The following TBC1D8 variants were observed in gnomAD, a reference collection of about 807,000 sequenced individuals.
The protein encoded by TBC1D8 is TBC1 domain family member 8.
In TBC1D8, 65 loss-of-function variants were observed where a neutral mutation model predicts 118.8. The observed-to-expected ratio is 0.55, with a 90% CI of 0.45 to 0.67. TBC1D8 has a LOEUF of 0.67. Among genes scored for constraint, TBC1D8 ranks in the 30% least tolerant of loss-of-function variants. TBC1D8 has a pLI of 0.00. For synonymous variants in TBC1D8, 566 were observed against 595.8 expected (o/e 0.95, Z 0.73); for missense variants, 1,376 against 1,471.2 (o/e 0.94, Z 1.06).
chr2:101,023,857 G>A, intron 15 of TBC1D8: 1 of 188,192 alleles, frequency 5.3e-6, no homozygotes, highest in Non-Finnish European at 1.2e-5. Flanking sequence ...CAAAAACAAG[G>A]GCAGATGCTG....
intron 17 of TBC1D8, among the ~76,000 whole-genome samples, chr2:101,018,552 C>G (rs1055254588): frequency 3.9e-5 from 6 of 152,164 alleles, no homozygotes; most frequent in Admixed American, 2.6e-4. Context: ...GGAGCAGCTT[C>G]AATTTTATTA....
intron 4 of TBC1D8, among the ~76,000 whole-genome samples, chr2:101,051,792 T>C (rs1682090274): frequency 6.6e-6 from 1 of 152,170 alleles, no homozygotes; most frequent in Non-Finnish European, 1.5e-5. Flanking sequence ...TGGCTATTAC[T>C]AAAAAGTCAA....
intron 5 of TBC1D8, among the ~76,000 whole-genome samples, chr2:101,043,494 T>G (rs1363647257): frequency 6.6e-6 from 1 of 152,186 alleles, no homozygotes; most frequent in Non-Finnish European, 1.5e-5. Flanking sequence ...CAGCCTTCCT[T>G]CCTAGCTGGG....
intron 1 of TBC1D8, among the ~76,000 whole-genome samples, chr2:101,125,838 C>A (rs925788837): frequency 1.3e-5 from 2 of 152,158 alleles, no homozygotes; most frequent in African/African-American, 4.8e-5. Flanking sequence ...AGAAACATTC[C>A]CGAACTTCAT....
intron 1 of TBC1D8, among the ~76,000 whole-genome samples, chr2:101,139,954 A>G (rs967608802): frequency 4.6e-5 from 7 of 152,198 alleles, no homozygotes. Flanking sequence ...AAGCTGCATG[A>G]CAGCACAGGG....
At chr2:101,011,587 C>G in intron 17 of TBC1D8, 47 bp from the exon 18 acceptor site, 1 of 1,592,038 alleles carries the variant, frequency 6.3e-7, no homozygotes, top group Non-Finnish European at 8.6e-7. Flanking sequence ...TTCTGCCTTA[C>G]CAAAACTGAC....
intron 19 of TBC1D8, 102 bp downstream of exon 19, chr2:101,010,827 G>A (rs1038839166): frequency 4.4e-6 from 4 of 914,422 alleles, no homozygotes; most frequent in South Asian, 3.1e-5. Context: ...GGTTGCAGTG[G>A]GCTGAGATCG....
At chr2:101,092,436 CCT>C (rs1273233601) in intron 1 of TBC1D8, among the ~76,000 whole-genome samples, 1 of 152,154 alleles carries the variant, frequency 6.6e-6, no homozygotes, top group Non-Finnish European at 1.5e-5. Context: ...TAAAATTATT[CCT>C]TTTTCTTTGA....
At chr2:101,106,700 T>A (rs2105474994) in intron 1 of TBC1D8, among the ~76,000 whole-genome samples, 1 of 152,334 alleles carries the variant, frequency 6.6e-6, no homozygotes, top group African/African-American at 2.4e-5. Flanking sequence ...CCTTTGAATT[T>A]TGAACTTTCA....
At chr2:101,080,165 A>G (rs141555155) in intron 2 of TBC1D8, among the ~76,000 whole-genome samples, 20 of 152,270 alleles carry the variant, frequency 1.3e-4, no homozygotes, top group African/African-American at 4.8e-4. Context: ...ACTTTATTTA[A>G]AACAGTAAGA....
intron 1 of TBC1D8, among the ~76,000 whole-genome samples, chr2:101,091,736 G>A (rs1676050605): frequency 6.6e-6 from 1 of 152,148 alleles, no homozygotes; most frequent in Admixed American, 6.6e-5. Context: ...AAAAAAAAAG[G>A]CATCCTGATC....
intron 2 of TBC1D8, among the ~76,000 whole-genome samples, chr2:101,079,797 T>C (rs1675140368): frequency 2.1e-5 from 3 of 141,696 alleles, no homozygotes; most frequent in African/African-American, 2.6e-5. Flanking sequence ...GCCATTCTCC[T>C]GCCTCAGCCT....
chr2:101,060,678 G>A (rs114904685), intron 2 of TBC1D8, among the ~76,000 whole-genome samples: 125 of 152,258 alleles, frequency 8.2e-4, no homozygotes, highest in African/African-American at 2.9e-3. Context: ...GAAGGGCCTG[G>A]CACACAGCAG....
At chr2:101,028,666 G>C in intron 12 of TBC1D8, 2 of 467,368 alleles carry the variant, frequency 4.3e-6, no homozygotes, top group Non-Finnish European at 7.5e-6. Flanking sequence ...AGTGAAGTAA[G>C]CCCAACATTC....
intron 2 of TBC1D8, among the ~76,000 whole-genome samples, chr2:101,075,651 C>T (rs990123545): frequency 6.6e-6 from 1 of 152,146 alleles, no homozygotes; most frequent in African/African-American, 2.4e-5. Flanking sequence ...GAAGAAAGTG[C>T]CTTGCTTCTC....
At chr2:101,080,276 G>A (rs1194070185) in intron 2 of TBC1D8, among the ~76,000 whole-genome samples, 1 of 152,096 alleles carries the variant, frequency 6.6e-6, no homozygotes, top group African/African-American at 2.4e-5. Flanking sequence ...TGACCTCAGC[G>A]TGGGGACCCA....
rs932791162 is a variant in TBC1D8, at chr2:101,054,276, A to G, written c.463T>C (p.Phe155Leu). The change falls in exon 4 of 20, where the codon TTC becomes CTC. Residue 155 changes from phenylalanine (F) to leucine (L), a missense_variant. Physicochemically the swap from Phe to Leu is conservative, Grantham distance 22. Transcript: ENST00000409318. ...LAEQEEEPEK[F>L]REALVKFEAR... ...TCGAACTTCACCAGGGCTTCTCGGA[A>G]TTTCTCGGGTTCCTCCTCCTGCTCG... 5 of 1,594,822 alleles carry G rather than the reference A, an allele frequency of 3.1e-6. No homozygotes were observed. The African/African-American group carries it at 6.7e-5, about 21-fold the overall frequency.
Position 101,022,391 on chromosome 2 carries a change from G to A in TBC1D8, c.2651C>T (p.Ser884Leu), listed in dbSNP as rs748662045. ...RQFAHLFQLV[S>L]PWTCGAHTEI... Reference sequence around the variant, plus strand: ...CGTGTGGGCCCCGCAGGTCCAGGGCGAGACTAGCTGAAACAGGTGTGCAAA... The same window carrying A: ...CGTGTGGGCCCCGCAGGTCCAGGGCAAGACTAGCTGAAACAGGTGTGCAAA... Residue 884 changes from serine (S) to leucine (L), a missense_variant, in exon 16 of 20, where the codon TCG becomes TTG. Coordinates refer to ENST00000409318, the MANE Select transcript of TBC1D8 (RefSeq NM_001330348.2). The A allele has an allele frequency of 8.7e-6, 14 of 1,613,274 alleles. No individual in the cohort carries two copies. The highest frequency in any genetic ancestry group is 2.2e-5 in the East Asian group (1 of 44,882).
intron 17 of TBC1D8, among the ~76,000 whole-genome samples, chr2:101,016,663 T>G (rs1048540782): frequency 6.6e-6 from 1 of 152,094 alleles, no homozygotes; most frequent in African/African-American, 2.4e-5. Flanking sequence ...AGCAAAGACT[T>G]GGAACCAACC....
Sources: allele counts gnomAD v4.1 joint callset (sites outside exome capture counted in the v4.1 genomes callset), GRCh38; gene constraint gnomAD v4.1.1; transcripts MANE v1.5; gene names NCBI Gene and HGNC (gene_info 2026-07-23, HGNC 2026-07-21).